Variants in ST6GALNAC5 observed in about 807,000 individuals in gnomAD.
ST6GALNAC5 encodes alpha-N-acetylgalactosaminide alpha-2,6-sialyltransferase 5.
A neutral mutation model predicts 33.6 loss-of-function variants in ST6GALNAC5; 27 were observed. The ratio of observed to expected loss-of-function variants is 0.80; its 90% CI spans 0.59 to 1.11. The LOEUF (loss-of-function observed/expected upper bound fraction) is 1.11, where lower values mean the gene tolerates loss of function less well. Among genes scored for constraint, ST6GALNAC5 ranks in the 50% least tolerant of loss-of-function variants. The pLI is 0.00. For synonymous variants in ST6GALNAC5, 194 were observed against 171.2 expected (o/e 1.13, Z -1.04); for missense variants, 428 against 454.0 (o/e 0.94, Z 0.52).
In ST6GALNAC5 at chr1:77,044,570, C is replaced by T. The variant is rs1168520208; in HGVS notation, c.628C>T (p.Leu210=). The T allele has an allele frequency of 3.2e-6, 5 of 1,585,062 alleles. No individual in the cohort carries two copies. Among genetic ancestry groups the T allele is most frequent in the Non-Finnish European group, 4.3e-6 (5 of 1,163,680 alleles). Residue 210 remains leucine, a synonymous_variant, in exon 3 of 5, where the codon CTG becomes TTG. Coordinates refer to ENST00000477717, the MANE Select transcript of ST6GALNAC5 (RefSeq NM_030965.3). The stretch of plus-strand genomic sequence containing the variant: ...CTTCATGATTACTCGCCACAAGATG[C>T]TGCAGTTTGATGAGCTCTTCAAGCA... ...KAFMITRHKM[L]QFDELFKQET...
chr1:76,968,404 C>T (rs1020765677), intron 2 of ST6GALNAC5, among the ~76,000 whole-genome samples: 1 of 152,038 alleles, frequency 6.6e-6, no homozygotes, highest in Admixed American at 6.6e-5. Context: ...AGGATTGCAA[C>T]CCCTGCTTTT....
At chr1:76,998,526 G>C (rs1034393813) in intron 2 of ST6GALNAC5, among the ~76,000 whole-genome samples, 10 of 152,154 alleles carry the variant, frequency 6.6e-5, no homozygotes, top group African/African-American at 2.4e-4. Context: ...AATCTGTGTT[G>C]ACTGGAAAAG....
In ST6GALNAC5 at chr1:76,917,671, T is replaced by C. The variant is rs1002747382; in HGVS notation, c.261+48929T>C. 9.9e-5 allele frequency among the ~76,000 whole-genome samples: 15 copies of C among 151,564 alleles called. 1 individual carries two copies. Among genetic ancestry groups the C allele is most frequent in the Non-Finnish European group, 4.4e-5 (3 of 67,900 alleles). On this transcript the variant is annotated intron_variant, in intron 2 of 4. Coordinates refer to ENST00000477717, the MANE Select transcript of ST6GALNAC5 (RefSeq NM_030965.3). ...ATATATAAAAATATATATTTATATT[T>C]GTATGTGTGTATTTATTATAAATAA...
intron 2 of ST6GALNAC5, among the ~76,000 whole-genome samples, chr1:77,020,928 G>A (rs911282796): frequency 1.3e-5 from 2 of 152,132 alleles, no homozygotes; most frequent in Non-Finnish European, 2.9e-5. Flanking sequence ...GTTGTTACCC[G>A]GGGTTCCGCA....
intron 2 of ST6GALNAC5, among the ~76,000 whole-genome samples, chr1:76,937,830 G>C (rs554499167): frequency 1.3e-5 from 2 of 152,136 alleles, no homozygotes; most frequent in East Asian, 3.9e-4. Flanking sequence ...AGAACTCTCT[G>C]TATTCCAATT....
At chr1:76,956,141 G>A (rs1264176892) in intron 2 of ST6GALNAC5, among the ~76,000 whole-genome samples, 2 of 152,000 alleles carry the variant, frequency 1.3e-5, no homozygotes, top group South Asian at 2.1e-4. Context: ...AGGAGTCATC[G>A]TCTCCCATAC....
intron 2 of ST6GALNAC5, among the ~76,000 whole-genome samples, chr1:76,988,677 G>C (rs1377973360): frequency 1.3e-5 from 2 of 152,044 alleles, no homozygotes; most frequent in African/African-American, 4.8e-5. Context: ...AAATTAAACA[G>C]TAAACACATT....
chr1:76,958,367 G>A (rs559929432), intron 2 of ST6GALNAC5, among the ~76,000 whole-genome samples: 3 of 152,170 alleles, frequency 2.0e-5, no homozygotes, highest in South Asian at 2.1e-4. Context: ...GTTTTCTTCC[G>A]CTATGTAGTT....
chr1:77,046,183 G>A (rs1305470890), intron 3 of ST6GALNAC5, among the ~76,000 whole-genome samples: 1 of 152,188 alleles, frequency 6.6e-6, no homozygotes, highest in Non-Finnish European at 1.5e-5. Context: ...GAAAGGCTGA[G>A]GCAAGAGGAT....
intron 2 of ST6GALNAC5, among the ~76,000 whole-genome samples, chr1:76,906,639 C>A (rs564867325): frequency 6.6e-6 from 1 of 152,224 alleles, no homozygotes; most frequent in East Asian, 1.9e-4. Context: ...TGATTGATAA[C>A]ATAGGGTATA....
At chr1:76,947,408 C>A (rs530504442) in intron 2 of ST6GALNAC5, among the ~76,000 whole-genome samples, 1 of 152,148 alleles carries the variant, frequency 6.6e-6, no homozygotes, top group East Asian at 1.9e-4. Flanking sequence ...CTAGTATACA[C>A]TACAACAACA....
intron 2 of ST6GALNAC5, among the ~76,000 whole-genome samples, chr1:76,888,624 A>T (rs1653948369): frequency 6.6e-6 from 1 of 151,192 alleles, no homozygotes; most frequent in Admixed American, 6.6e-5. Context: ...CTTTTTTTTA[A>T]AACTCTCCTT....
In ST6GALNAC5 at chr1:76,868,385, C is replaced by T. The variant is rs1455274238; in HGVS notation, c.16-112C>T. The T allele has an allele frequency of 2.1e-6, 3 of 1,424,494 alleles. No individual in the cohort carries two copies. The South Asian group carries it at 4.4e-5, about 21-fold the overall frequency. The allele number at this position is 1,424,494 out of a possible 1,614,324, so 88.2% of individuals were successfully genotyped here. On this transcript the variant is annotated intron_variant, in intron 1 of 4. Transcript: ENST00000477717. This position sits in a 1 kb window ranked among gnomAD's most constrained non-coding sequence, Gnocchi z 4.3. ...CGTGCGGCGGGGCTGGGGCCCAGGCCGCCCCAAATCTCCCCCACTAGAGTG... is the reference window on the plus strand; with the variant it reads ...CGTGCGGCGGGGCTGGGGCCCAGGCTGCCCCAAATCTCCCCCACTAGAGTG...
chr1:76,872,848 C>A (rs1421653861), intron 2 of ST6GALNAC5, among the ~76,000 whole-genome samples: 1 of 152,146 alleles, frequency 6.6e-6, no homozygotes, highest in Admixed American at 6.6e-5. Flanking sequence ...GATGATGAAA[C>A]CCTGTTACCA....
intron 2 of ST6GALNAC5, among the ~76,000 whole-genome samples, chr1:76,944,230 CT>C (rs1352656341): frequency 6.6e-6 from 1 of 152,014 alleles, no homozygotes; most frequent in Non-Finnish European, 1.5e-5. Flanking sequence ...GAATTGATTC[CT>C]TTTCTTTTTA....
rs746331918 is a variant in ST6GALNAC5 at position 77,044,344 on chromosome 1, C to T, written c.402C>T (p.Asp134=). The T allele has an allele frequency of 3.3e-5, 54 of 1,613,842 alleles. No homozygotes were observed. Among genetic ancestry groups the T allele is most frequent in the Middle Eastern group, 3.3e-4 (2 of 6,082 alleles). Residue 134 remains aspartate (D), a synonymous_variant, in exon 3 of 5, where the codon GAC becomes GAT. Coordinates refer to ENST00000477717, the MANE Select transcript of ST6GALNAC5 (RefSeq NM_030965.3). ...CCCCCACACGCGGCTATGGGCGTGACGTGGGCAATCGCACCAGCCTGAGGG... is the reference window on the plus strand; with the variant it reads ...CCCCCACACGCGGCTATGGGCGTGATGTGGGCAATCGCACCAGCCTGAGGG... The part of the protein sequence containing the change: ...NDAPTRGYGR[D]VGNRTSLRVI...
At chr1:76,971,384 T>G (rs1029666621) in intron 2 of ST6GALNAC5, among the ~76,000 whole-genome samples, 2 of 152,118 alleles carry the variant, frequency 1.3e-5, no homozygotes, top group Admixed American at 6.6e-5. Flanking sequence ...GTAGCACACT[T>G]GCGTGGGATA....
At chr1:76,909,116 G>A (rs1043681727) in intron 2 of ST6GALNAC5, among the ~76,000 whole-genome samples, 1 of 152,038 alleles carries the variant, frequency 6.6e-6, no homozygotes, top group African/African-American at 2.4e-5. Flanking sequence ...TTCATTTTAT[G>A]TTGAAATTAT....
intron 2 of ST6GALNAC5, among the ~76,000 whole-genome samples, chr1:76,995,687 A>C: frequency 6.6e-6 from 1 of 151,774 alleles, no homozygotes; most frequent in Non-Finnish European, 1.5e-5. Flanking sequence ...ATAATAATAT[A>C]ATATTTGTAT....
Sources: gnomAD v4.1 joint callset for allele counts (sites outside exome capture counted in the v4.1 genomes callset) on GRCh38, gnomAD v4.1.1 for gene constraint, Gnocchi (gnomAD v3.1) non-coding constraint, MANE v1.5 for transcripts, NCBI Gene and HGNC (gene_info 2026-07-23, HGNC 2026-07-21) for gene names.